The following SH3YL1 variants were observed in gnomAD, a reference collection of about 807,000 sequenced individuals.
The protein encoded by SH3YL1 is SH3 and SYLF domain containing 1.
A neutral mutation model predicts 45.8 loss-of-function variants in SH3YL1; 41 were observed. The ratio of observed to expected loss-of-function variants is 0.89; its 90% CI spans 0.70 to 1.16. The LOEUF (loss-of-function observed/expected upper bound fraction) is 1.16, where lower values mean the gene tolerates loss of function less well. Among genes scored for constraint, SH3YL1 ranks in the 50% most tolerant of loss-of-function variants. The pLI, the probability that SH3YL1 is intolerant of heterozygous loss-of-function variation, is 0.00. For synonymous variants in SH3YL1, 152 were observed against 151.4 expected (o/e 1.00, Z -0.03); for missense variants, 389 against 409.6 (o/e 0.95, Z 0.43).
In SH3YL1 at chr2:218,812, TA is replaced by T; in HGVS notation, c.1027del (p.Ter343LysfsTer24). ...TCAAAGAAGAAAATAGTATACGCTTTAATTCATGGTTACGTAGTTGGCTGGA... is the reference window on the plus strand; with the variant it reads ...TCAAAGAAGAAAATAGTATACGCTTTATTCATGGTTACGTAGTTGGCTGGA... The part of the protein sequence containing the change: ...IFPANYVTMN[*>X] On this transcript the variant is annotated frameshift_variant and stop_lost, in exon 10 of 10. Coordinates refer to ENST00000356150, the MANE Select transcript of SH3YL1 (RefSeq NM_015677.4). LOFTEE classifies it high-confidence loss of function. The T allele has an allele frequency of 6.2e-7, 1 of 1,608,772 alleles. No homozygotes were observed. Among genetic ancestry groups the T allele is most frequent in the East Asian group, 2.2e-5 (1 of 44,778 alleles).
intron 4 of SH3YL1, chr2:242,757 T>C: frequency 6.7e-7 from 1 of 1,496,616 alleles, no homozygotes; most frequent in South Asian, 1.3e-5. Context: ...CAACATCCAA[T>C]TATATGCTCC....
At chr2:250,621 G>C (rs1241936902) in intron 2 of SH3YL1, among the ~76,000 whole-genome samples, 1 of 152,158 alleles carries the variant, frequency 6.6e-6, no homozygotes, top group Non-Finnish European at 1.5e-5. Context: ...CTTTAAGGTA[G>C]TTTAACTTAT....
At chr2:259,493 G>T (rs1669497191) in intron 1 of SH3YL1, 1 of 151,256 alleles carries the variant, frequency 6.6e-6, no homozygotes, top group Admixed American at 6.6e-5. Context: ...TCTTACAAGG[G>T]TCTTTTAATA....
chr2:229,746 A>G (rs928582526), intron 8 of SH3YL1: 16 of 379,870 alleles, frequency 4.2e-5, no homozygotes, highest in South Asian at 1.4e-4. Flanking sequence ...AAAAAAAAAA[A>G]AAAGAAAGTG....
At chr2:255,296 T>C (rs548790956) in intron 1 of SH3YL1, among the ~76,000 whole-genome samples, 10 of 152,330 alleles carry the variant, frequency 6.6e-5, no homozygotes, top group African/African-American at 2.4e-4. Flanking sequence ...CCTGGAATGT[T>C]TGAAACATGT....
chr2:236,843 G>A (rs1176524807), intron 4 of SH3YL1, among the ~76,000 whole-genome samples: 2 of 152,150 alleles, frequency 1.3e-5, no homozygotes, highest in African/African-American at 2.4e-5. Context: ...CCTGATGCAA[G>A]TATGTTCTTA....
At chr2:254,955 C>T (rs1042822084) in intron 1 of SH3YL1, among the ~76,000 whole-genome samples, 1 of 152,168 alleles carries the variant, frequency 6.6e-6, no homozygotes, top group Non-Finnish European at 1.5e-5. Flanking sequence ...CAGGAAGCCC[C>T]CTACCCACTT....
At chr2:225,419 A>G (rs1415711126) in intron 8 of SH3YL1, among the ~76,000 whole-genome samples, 1 of 152,250 alleles carries the variant, frequency 6.6e-6, no homozygotes, top group African/African-American at 2.4e-5. Flanking sequence ...GAAGACGAAG[A>G]GCACACCTTG....
intron 8 of SH3YL1, among the ~76,000 whole-genome samples, chr2:228,887 A>G (rs553077151): frequency 2.3e-4 from 35 of 152,344 alleles, no homozygotes; most frequent in Non-Finnish European, 4.1e-4. Context: ...GAGGAGGCCG[A>G]GGATGCGCTT....
In SH3YL1 at chr2:233,133, G is replaced by A. The variant is rs1210660743; in HGVS notation, c.501C>T (p.Ser167=). The A allele has an allele frequency of 1.1e-5, 18 of 1,590,814 alleles. No individual in the cohort carries two copies. Among genetic ancestry groups the A allele is most frequent in the Non-Finnish European group, 1.3e-5 (15 of 1,167,082 alleles). The change falls in exon 6 of 10, where the codon AGC becomes AGT. Residue 167 remains serine, a synonymous_variant. Coordinates refer to ENST00000356150, the MANE Select transcript of SH3YL1 (RefSeq NM_015677.4). ...GLFAGVSLEG[S]CLIERKETNR... is the part of the protein sequence containing the mutation. Reference sequence around the variant, plus strand: ...TAGTTTCTTTCCTTTCAATCAAACAGCTCCCTTCTAAAGACACGCCTGCAA... The same window carrying A: ...TAGTTTCTTTCCTTTCAATCAAACAACTCCCTTCTAAAGACACGCCTGCAA...
chr2:264,295 G>T (rs914807704), upstream of SH3YL1: 13 of 355,690 alleles, frequency 3.7e-5, no homozygotes, highest in African/African-American at 2.8e-4. Flanking sequence ...GCCCAAGGCC[G>T]CCCTGGTCCG....
chr2:261,625 C>A (rs776181206), intron 1 of SH3YL1, among the ~76,000 whole-genome samples: 1 of 152,110 alleles, frequency 6.6e-6, no homozygotes, highest in Non-Finnish European at 1.5e-5. Flanking sequence ...AGGTATTGAT[C>A]GCAGTTCTAT....
intron 2 of SH3YL1, among the ~76,000 whole-genome samples, chr2:250,231 A>G (rs1214344807): frequency 6.6e-6 from 1 of 152,262 alleles, no homozygotes; most frequent in Non-Finnish European, 1.5e-5. Flanking sequence ...AGATCCATAT[A>G]GTATTAAGGA....
Position 224,935 on chromosome 2 carries a change from G to T in SH3YL1, c.782-15C>A. The T allele has an allele frequency of 1.2e-6, 2 of 1,605,614 alleles. No homozygotes were observed. Among genetic ancestry groups the T allele is most frequent in the Non-Finnish European group, 1.7e-6 (2 of 1,172,340 alleles). ...ATTTCTGTTACCTGCCAAAAAAGAG[G>T]AGAGTGGTGATTTTGAAAACTGATT... On this transcript the variant is annotated splice_polypyrimidine_tract_variant and intron_variant, in intron 8 of 9. Coordinates refer to ENST00000356150, the MANE Select transcript of SH3YL1 (RefSeq NM_015677.4).
At chr2:247,668 G>A in intron 3 of SH3YL1, 66 bp from the exon 4 acceptor site, 2 of 1,263,542 alleles carry the variant, frequency 1.6e-6, no homozygotes, top group Non-Finnish European at 2.2e-6. Context: ...ATATAGGAAG[G>A]AAAAATGCTA....
chr2:258,475 C>T (rs1669451688), intron 1 of SH3YL1, among the ~76,000 whole-genome samples: 1 of 152,308 alleles, frequency 6.6e-6, no homozygotes, highest in Admixed American at 6.5e-5. Flanking sequence ...GATTCTTCTT[C>T]CAGCTATGGG....
chr2:228,143 G>C (rs565527020), intron 8 of SH3YL1, among the ~76,000 whole-genome samples: 2 of 152,292 alleles, frequency 1.3e-5, no homozygotes, highest in East Asian at 3.9e-4. Context: ...GGAGGGAGGA[G>C]GAGTGTTCAC....
chr2:238,410 T>C (rs1341168215), intron 4 of SH3YL1, among the ~76,000 whole-genome samples: 1 of 152,120 alleles, frequency 6.6e-6, no homozygotes, highest in Non-Finnish European at 1.5e-5. Flanking sequence ...CATCCCATTC[T>C]TAGGGGGCTT....
upstream of SH3YL1, chr2:264,333 G>A (rs920794354): frequency 6.8e-6 from 2 of 293,488 alleles, no homozygotes; most frequent in Non-Finnish European, 6.3e-6. Context: ...CTCAAGGCAG[G>A]TTCCCCGCGT....
Sources: allele counts gnomAD v4.1 joint callset (sites outside exome capture counted in the v4.1 genomes callset), GRCh38; gene constraint gnomAD v4.1.1; transcripts MANE v1.5; gene names NCBI Gene and HGNC (gene_info 2026-07-23, HGNC 2026-07-21).